The following KSR2 variants were observed in gnomAD, a reference collection of about 807,000 sequenced individuals.
KSR2 encodes kinase suppressor of ras 2.
A neutral mutation model predicts 107.8 loss-of-function variants in KSR2; 25 were observed. That is an observed-to-expected ratio of 0.23 (90% CI 0.17 to 0.32). KSR2 has a LOEUF of 0.32. KSR2 is among the 10% of genes least tolerant of loss of function. The probability of loss-of-function intolerance (pLI) is 1.00; values close to 1 mark genes in which losing one functional copy is unlikely to be tolerated. For missense variants in KSR2, 887 were observed against 1,268.9 expected (o/e 0.70, Z 4.57); for synonymous variants, 480 against 507.0 (o/e 0.95, Z 0.71).
intron 1 of KSR2, among the ~76,000 whole-genome samples, chr12:117,863,542 GC>G (rs1370023291): frequency 6.6e-6 from 1 of 152,160 alleles, no homozygotes; most frequent in Admixed American, 6.5e-5. Flanking sequence ...TGTTGCTAAA[GC>G]CTCCTGACTC....
intron 8 of KSR2, 98 bp from the exon 9 acceptor site, chr12:117,555,391 C>T: frequency 8.0e-7 from 1 of 1,242,540 alleles, no homozygotes; most frequent in Non-Finnish European, 1.1e-6. Context: ...TAGACCCACC[C>T]TCCAGACTGG....
At chr12:117,881,003 C>CT (rs1566065049) in intron 1 of KSR2, among the ~76,000 whole-genome samples, 2 of 151,396 alleles carry the variant, frequency 1.3e-5, no homozygotes, top group South Asian at 2.1e-4. Context: ...GAGTCTCACT[C>CT]TATCACCCAG....
At chr12:117,523,578 T>G (rs552932777) in intron 14 of KSR2, among the ~76,000 whole-genome samples, 31 of 152,356 alleles carry the variant, frequency 2.0e-4, no homozygotes, top group Middle Eastern at 3.4e-3. Flanking sequence ...ATGTTAGTTC[T>G]CTATGAACTA....
At chr12:117,801,062 G>A (rs1333998435) in intron 3 of KSR2, among the ~76,000 whole-genome samples, 1 of 152,142 alleles carries the variant, frequency 6.6e-6, no homozygotes, top group Non-Finnish European at 1.5e-5. Context: ...AAGCATACGT[G>A]TGTATGTGTG....
At chr12:117,673,154 T>A (rs626400) in intron 4 of KSR2, among the ~76,000 whole-genome samples, 1 of 151,888 alleles carries the variant, frequency 6.6e-6, no homozygotes, top group East Asian at 1.9e-4. Context: ...TTACCAACCA[T>A]GGCCACAGAT....
chr12:117,881,736 C>T (rs1894033673), intron 1 of KSR2, among the ~76,000 whole-genome samples: 1 of 152,230 alleles, frequency 6.6e-6, no homozygotes, highest in South Asian at 2.1e-4. Flanking sequence ...GCCTGTCTGG[C>T]TCCAAAGCTG....
At chr12:117,957,020 G>C (rs1384442654) in intron 1 of KSR2, among the ~76,000 whole-genome samples, 1 of 152,276 alleles carries the variant, frequency 6.6e-6, no homozygotes, top group East Asian at 1.9e-4. Flanking sequence ...TAGTCACCAA[G>C]GAAAGCATTT....
intron 4 of KSR2, among the ~76,000 whole-genome samples, chr12:117,678,591 C>T (rs1292902104): frequency 6.6e-6 from 1 of 152,152 alleles, no homozygotes; most frequent in African/African-American, 2.4e-5. Context: ...CTGCATCAGT[C>T]CTCTCAAACC....
intron 14 of KSR2, among the ~76,000 whole-genome samples, chr12:117,503,219 C>T (rs2137180413): frequency 6.6e-6 from 1 of 152,226 alleles, no homozygotes; most frequent in Admixed American, 6.5e-5. Context: ...GGGAAAGTTG[C>T]TTAAAAATCA....
intron 5 of KSR2, among the ~76,000 whole-genome samples, chr12:117,604,446 T>C (rs947331664): frequency 1.3e-5 from 2 of 152,248 alleles, no homozygotes; most frequent in Non-Finnish European, 2.9e-5. Flanking sequence ...TGCTGTGTTG[T>C]ATGGTAATTC....
At chr12:117,794,171 CGCACACACCAACAT>C (rs1469919752) in intron 3 of KSR2, among the ~76,000 whole-genome samples, 1 of 128,496 alleles carries the variant, frequency 7.8e-6, no homozygotes, top group Non-Finnish European at 1.6e-5. Context: ...CACCAACATG[CGCACACACCAACAT>C]GCACACACAC....
chr12:117,596,171 G>T (rs934648057), intron 5 of KSR2, among the ~76,000 whole-genome samples: 2 of 152,104 alleles, frequency 1.3e-5, no homozygotes, highest in African/African-American at 4.8e-5. Context: ...TGGCTGGGGA[G>T]GCCTCACAAT....
intron 14 of KSR2, among the ~76,000 whole-genome samples, chr12:117,517,009 G>A (rs1874416758): frequency 6.6e-6 from 1 of 152,136 alleles, no homozygotes; most frequent in Non-Finnish European, 1.5e-5. Flanking sequence ...CTTGTAGGCG[G>A]CTCACAGACC....
chr12:117,622,043 G>A (rs551334318), intron 5 of KSR2, among the ~76,000 whole-genome samples: 67 of 152,202 alleles, frequency 4.4e-4, no homozygotes, highest in African/African-American at 1.5e-3. Flanking sequence ...GCACATGAAA[G>A]TTATGTAACT....
rs571733403 is a variant in KSR2 at position 117,480,302 on chromosome 12, G to A, written c.2451-3707C>T. On this transcript the variant is annotated intron_variant, in intron 16 of 19. Transcript: ENST00000339824. ...CTGGCATTTTGGGGCCAGGGCAGGA[G>A]GTAGAGTGGTGACCACGCCTGGCAC... is the stretch of plus-strand genomic sequence containing the variant. Among the ~76,000 whole-genome samples, 49 of 152,268 alleles carry A rather than the reference G, an allele frequency of 3.2e-4. 2 individuals carry two copies. In the South Asian group the frequency reaches 8.7e-3, roughly 27 times the overall value.
At chr12:117,741,246 G>A (rs1161903700) in intron 4 of KSR2, among the ~76,000 whole-genome samples, 1 of 152,030 alleles carries the variant, frequency 6.6e-6, no homozygotes, top group South Asian at 2.1e-4. Flanking sequence ...GCTGGGTGTG[G>A]TGGCTCACTC....
chr12:117,500,801 T>A (rs1321136147), intron 14 of KSR2, among the ~76,000 whole-genome samples: 1 of 152,258 alleles, frequency 6.6e-6, no homozygotes, highest in Non-Finnish European at 1.5e-5. Context: ...TAATCCTCTC[T>A]GCCAGGACAT....
intron 3 of KSR2, among the ~76,000 whole-genome samples, chr12:117,822,310 G>A (rs1470177051): frequency 2.6e-5 from 4 of 151,898 alleles, no homozygotes; most frequent in South Asian, 2.1e-4. Context: ...CTACGGACTC[G>A]CCCTGAATTC....
intron 6 of KSR2, 130 bp from the exon 7 acceptor site, chr12:117,579,332 A>C: frequency 1.4e-6 from 1 of 712,822 alleles, no homozygotes; most frequent in Non-Finnish European, 2.5e-6. Flanking sequence ...GAGCTGTGTG[A>C]CTTAATCAAG....
Sources: allele counts gnomAD v4.1 joint callset (sites outside exome capture counted in the v4.1 genomes callset), GRCh38; gene constraint gnomAD v4.1.1; transcripts MANE v1.5; gene names NCBI Gene and HGNC (gene_info 2026-07-23, HGNC 2026-07-21).